TBC1D5: variants seen among roughly 807,000 people sequenced by gnomAD.
TBC1D5 encodes the protein TBC1 domain family, member 5.
Under a neutral mutation model 100.3 loss-of-function variants are expected in TBC1D5, and 75 were observed. The observed-to-expected ratio is 0.75, with a 90% CI of 0.62 to 0.91. The LOEUF is 0.91. Ranked by LOEUF, TBC1D5 falls within the 40% of genes least tolerant of loss-of-function variation. The pLI, the probability that TBC1D5 is intolerant of heterozygous loss-of-function variation, is 0.00. For missense variants in TBC1D5, 910 were observed against 942.4 expected, an observed-to-expected ratio of 0.97 and a Z score of 0.45; for synonymous variants, 323 against 325.6, an observed-to-expected ratio of 0.99 and a Z score of 0.09.
intron 8 of TBC1D5, among the ~76,000 whole-genome samples, chr3:17,384,381 T>C (rs2093068754): frequency 1.3e-5 from 2 of 152,002 alleles, no homozygotes; most frequent in South Asian, 2.1e-4. Flanking sequence ...AAAGTACTAA[T>C]TTTTTTCAAA....
intron 13 of TBC1D5, among the ~76,000 whole-genome samples, chr3:17,316,136 A>G (rs577454771): frequency 1.3e-5 from 2 of 152,200 alleles, no homozygotes; most frequent in Admixed American, 1.3e-4. Flanking sequence ...GCCATTGCCC[A>G]TTTGCATGTT....
At chr3:17,615,687 G>C (rs1269589985) in intron 2 of TBC1D5, among the ~76,000 whole-genome samples, 1 of 152,180 alleles carries the variant, frequency 6.6e-6, no homozygotes, top group Non-Finnish European at 1.5e-5. Flanking sequence ...GATATTTATA[G>C]TATTCTCTGA....
intron 13 of TBC1D5, among the ~76,000 whole-genome samples, chr3:17,314,307 T>C (rs1251235820): frequency 6.6e-6 from 1 of 152,152 alleles, no homozygotes; most frequent in Non-Finnish European, 1.5e-5. Context: ...ACAGATGATC[T>C]TGATCTTGGG....
At chr3:17,290,546 T>G (rs2081618948) in intron 15 of TBC1D5, among the ~76,000 whole-genome samples, 1 of 152,214 alleles carries the variant, frequency 6.6e-6, no homozygotes, top group Non-Finnish European at 1.5e-5. Context: ...ATTCTAAAAA[T>G]TCCTAATGCT....
intron 5 of TBC1D5, among the ~76,000 whole-genome samples, chr3:17,405,793 A>C (rs2093755654): frequency 6.6e-6 from 1 of 152,106 alleles, no homozygotes; most frequent in African/African-American, 2.4e-5. Flanking sequence ...AACCCTAAAA[A>C]CTTATGATAG....
At chr3:17,422,607 C>G (rs1474138841) in intron 4 of TBC1D5, among the ~76,000 whole-genome samples, 3 of 152,030 alleles carry the variant, frequency 2.0e-5, no homozygotes, top group Non-Finnish European at 2.9e-5. Context: ...GGCTTTTGCC[C>G]TACTATCTCC....
intron 4 of TBC1D5, 41 bp downstream of exon 4, chr3:17,428,409 G>GTATATATATA (rs761867627): frequency 5.2e-6 from 2 of 386,394 alleles, no homozygotes; most frequent in Non-Finnish European, 7.9e-6. Flanking sequence ...GTGTGTGTGT[G>GTATATATATA]TGTATATATA....
intron 17 of TBC1D5, among the ~76,000 whole-genome samples, chr3:17,230,874 T>A (rs959203073): frequency 1.3e-5 from 2 of 152,144 alleles, no homozygotes; most frequent in Non-Finnish European, 2.9e-5. Context: ...GGTAGTACTA[T>A]TTTTAAATAA....
chr3:17,315,351 C>G (rs2150763590), intron 13 of TBC1D5, among the ~76,000 whole-genome samples: 1 of 152,304 alleles, frequency 6.6e-6, no homozygotes, highest in African/African-American at 2.4e-5. Context: ...GTGAGGGTGA[C>G]AGAAGTGAGA....
chr3:17,627,559 A>G (rs1358711387), intron 1 of TBC1D5, among the ~76,000 whole-genome samples: 1 of 152,180 alleles, frequency 6.6e-6, no homozygotes, highest in Admixed American at 6.5e-5. Flanking sequence ...AGGAGAACAC[A>G]GGCCCATAAA....
chr3:17,562,167 T>C (rs1264655406), intron 2 of TBC1D5: 1 of 151,830 alleles, frequency 6.6e-6, no homozygotes, highest in African/African-American at 2.4e-5. Flanking sequence ...ATTAATTAAA[T>C]TAAAATAAAA....
At chr3:17,263,368 A>G (rs796413813) in intron 15 of TBC1D5, among the ~76,000 whole-genome samples, 1,561 of 44,274 alleles carry the variant, frequency 0.035, 13 homozygotes, top group African/African-American at 0.14. Context: ...CCTGTCTCCA[A>G]AAAAAAAAAA....
Position 17,424,495 on chromosome 3 carries a change from G to A in TBC1D5, c.167+3955C>T, listed in dbSNP as rs981526327. On this transcript the variant is annotated intron_variant, in intron 4 of 21. Coordinates refer to ENST00000253692, the Ensembl canonical transcript of TBC1D5. The stretch of plus-strand genomic sequence containing the variant: ...GAACAGAGAAAGCTCATATAATTTG[G>A]CAGACAACATTAACGTTGGTCTTTA... Among the ~76,000 whole-genome samples the A allele has an allele frequency of 5.3e-5, 8 of 152,094 alleles. No homozygotes were observed. In the East Asian group the frequency reaches 9.6e-4, roughly 18 times the overall value.
At chr3:17,700,255 C>T (rs867193440) in intron 1 of TBC1D5, among the ~76,000 whole-genome samples, 1 of 151,918 alleles carries the variant, frequency 6.6e-6, no homozygotes, top group African/African-American at 2.4e-5. Context: ...ATAAATGGTG[C>T]TGGGAAAACT....
intron 13 of TBC1D5, among the ~76,000 whole-genome samples, chr3:17,345,029 A>G (rs1304928263): frequency 3.3e-5 from 5 of 152,208 alleles, no homozygotes; most frequent in Non-Finnish European, 7.3e-5. Context: ...CATGTCTAAA[A>G]CACCAAAAGC....
intron 13 of TBC1D5, among the ~76,000 whole-genome samples, chr3:17,364,965 AC>A (rs1374777431): frequency 2.0e-5 from 3 of 152,194 alleles, no homozygotes; most frequent in African/African-American, 7.2e-5. Flanking sequence ...ATTTTTTAAA[AC>A]ATTTACTTAG....
intron 15 of TBC1D5, among the ~76,000 whole-genome samples, chr3:17,291,270 C>CA (rs2081709215): frequency 6.6e-6 from 1 of 152,134 alleles, no homozygotes; most frequent in Non-Finnish European, 1.5e-5. Context: ...TTCTTATTTT[C>CA]AAGAAATATA....
At chr3:17,405,302 G>A (rs867409732) in intron 5 of TBC1D5, among the ~76,000 whole-genome samples, 8 of 152,088 alleles carry the variant, frequency 5.3e-5, no homozygotes, top group African/African-American at 1.7e-4. Flanking sequence ...AGTGGTAAGG[G>A]GGTTATTAAG....
chr3:17,160,808 CT>C (rs762557773), exon 22 of TBC1D5: 2 of 976,630 alleles, frequency 2.0e-6, no homozygotes, highest in Non-Finnish European at 2.9e-6. Flanking sequence ...ATATATGCTT[CT>C]CTCTAAGGGG....
Sources: allele counts gnomAD v4.1 joint callset (sites outside exome capture counted in the v4.1 genomes callset), GRCh38; gene constraint gnomAD v4.1.1; transcripts MANE v1.5; gene names NCBI Gene and HGNC (gene_info 2026-07-23, HGNC 2026-07-21).